DNAJB14: variants seen among roughly 807,000 people sequenced by gnomAD.
The protein encoded by DNAJB14 is dnaJ homolog subfamily B member 14.
A neutral mutation model predicts 48.4 loss-of-function variants in DNAJB14; 22 were observed. The ratio of observed to expected loss-of-function variants is 0.45; its 90% confidence interval spans 0.32 to 0.65. The LOEUF (loss-of-function observed/expected upper bound fraction) is 0.65. Ranked by LOEUF, DNAJB14 falls within the 30% of genes least tolerant of loss-of-function variation. DNAJB14 has a pLI of 0.03. For synonymous variants in DNAJB14, 142 were observed against 158.7 expected (o/e 0.89, Z 0.79); for missense variants, 319 against 458.8 (o/e 0.70, Z 2.78).
chr4:99,944,899 G>C lies in DNAJB14; in HGVS notation c.133+1540C>G, dbSNP rs556566483. 3.9e-5 allele frequency among the ~76,000 whole-genome samples: 6 copies of C among 152,128 alleles called. No individual in the cohort carries two copies. The South Asian group carries it at 1.2e-3, about 32-fold the overall frequency. Reference sequence around the variant, plus strand: ...GCCTAATCAGTATTTTTTTAAAGAGGAATTCTTCACGTTACAACATAAATG... The same window carrying C: ...GCCTAATCAGTATTTTTTTAAAGAGCAATTCTTCACGTTACAACATAAATG... On this transcript the variant is annotated intron_variant, in intron 1 of 7. Transcript: ENST00000442697.
chr4:99,926,303 T>C (rs748191326), intron 2 of DNAJB14: 8 of 152,160 alleles, frequency 5.3e-5, no homozygotes, highest in Non-Finnish European at 8.8e-5. Context: ...ATATGTTGGA[T>C]GGATGGACAA....
intron 1 of DNAJB14, among the ~76,000 whole-genome samples, chr4:99,944,591 T>G (rs1438316283): frequency 6.6e-6 from 1 of 151,884 alleles, no homozygotes; most frequent in Non-Finnish European, 1.5e-5. Flanking sequence ...TTTGTTTTTT[T>G]GAGATGGAGT....
At chr4:99,913,226 A>G (rs1006444857) in intron 3 of DNAJB14, among the ~76,000 whole-genome samples, 1 of 152,144 alleles carries the variant, frequency 6.6e-6, no homozygotes, top group Non-Finnish European at 1.5e-5. Context: ...TTTGTTGAAT[A>G]TGAGTGGTAA....
At chr4:99,946,383 G>T in intron 1 of DNAJB14, 56 bp downstream of exon 1, 1 of 1,560,290 alleles carries the variant, frequency 6.4e-7, no homozygotes, top group African/African-American at 1.4e-5. Context: ...GGGCAGGGGC[G>T]GGCTACGCGG....
chr4:99,908,734 AAT>A lies in DNAJB14; in HGVS notation c.612_613del (p.Phe206TrpfsTer8). On this transcript the variant is annotated frameshift_variant, in exon 4 of 8. Coordinates refer to ENST00000442697, the MANE Select transcript of DNAJB14 (RefSeq NM_001031723.4). LOFTEE classifies it high-confidence loss of function. ...ACCTGAAGGAAATCCACCCCCAAAA[AAT>A]ATATTAAACAAGTCTTCTGGAGTTA... 9.4e-6 allele frequency: 15 copies of A among 1,592,590 alleles called. No individual in the cohort carries two copies. Among genetic ancestry groups the A allele is most frequent in the Non-Finnish European group, 1.3e-5 (15 of 1,172,874 alleles).
intron 1 of DNAJB14, among the ~76,000 whole-genome samples, chr4:99,943,855 C>T (rs1726968469): frequency 6.6e-6 from 1 of 151,744 alleles, no homozygotes; most frequent in Non-Finnish European, 1.5e-5. Flanking sequence ...ACAGCAAAAG[C>T]ACAAAAAAAC....
intron 3 of DNAJB14, among the ~76,000 whole-genome samples, chr4:99,910,100 T>C (rs186140572): frequency 1.1e-4 from 16 of 152,176 alleles, no homozygotes; most frequent in Admixed American, 3.3e-4. Flanking sequence ...GATTACACAT[T>C]ACACTGAAAT....
chr4:99,902,249 T>TG (rs140994088), intron 7 of DNAJB14, among the ~76,000 whole-genome samples: 8,579 of 152,076 alleles, frequency 0.056, 284 homozygotes, highest in Middle Eastern at 0.13. Flanking sequence ...TTTTTTGTTG[T>TG]GGGGGGTCTG....
At chr4:99,906,752 C>T in intron 4 of DNAJB14, 141 bp from the exon 5 acceptor site, 4 of 634,630 alleles carry the variant, frequency 6.3e-6, no homozygotes, top group Admixed American at 2.9e-5. Context: ...TTATTGCCCT[C>T]TCCTCTTGTA....
intron 3 of DNAJB14, chr4:99,922,649 T>C (rs1726102261): frequency 6.5e-6 from 1 of 153,122 alleles, no homozygotes; most frequent in East Asian, 1.9e-4. Context: ...ATTTCTTAAA[T>C]ATCCAAATTC....
intron 4 of DNAJB14, among the ~76,000 whole-genome samples, chr4:99,908,134 A>C (rs1409507745): frequency 6.6e-6 from 1 of 152,182 alleles, no homozygotes; most frequent in African/African-American, 2.4e-5. Flanking sequence ...TTATGTTGGT[A>C]CTATAAAATC....
rs762236825 is a variant in DNAJB14 at position 99,908,914 on chromosome 4, A to G, written c.452-18T>C. The G allele has an allele frequency of 4.0e-6, 6 of 1,502,222 alleles. No individual in the cohort carries two copies. The East Asian group carries it at 1.2e-4, about 30-fold the overall frequency. 93.1% of individuals were successfully genotyped at this position (1,502,222 alleles called of 1,614,324 possible). ...TCCAATCTCTGAAAAAGTAATGAGT[A>G]AAAGTTGGTAAGCAAAGTTTTTATA... On this transcript the variant is annotated intron_variant, in intron 3 of 7. Coordinates refer to ENST00000442697, the MANE Select transcript of DNAJB14 (RefSeq NM_001031723.4).
intron 1 of DNAJB14, among the ~76,000 whole-genome samples, chr4:99,945,123 A>G (rs754205811): frequency 6.6e-6 from 1 of 152,236 alleles, no homozygotes; most frequent in African/African-American, 2.4e-5. Context: ...AAAGTTCTGA[A>G]GAGTCCTTGC....
Position 99,896,943 on chromosome 4 carries a change from ACC to A in DNAJB14, c.*4083_*4084del. 2 of 152,226 alleles carry A rather than the reference ACC, an allele frequency of 1.3e-5. No individual in the cohort carries two copies. The highest frequency in any genetic ancestry group is 1.3e-4 in the Admixed American group (2 of 15,298). 9.4% of individuals were successfully genotyped at this position (152,226 alleles called of 1,614,324 possible). A position where few individuals can be genotyped will look rare whatever the true frequency, so the allele number is the denominator to read the frequency against. ...AAGGACATTTCAAGAAATACTTCTT[ACC>A]CCTATGTATTTCCAGATGGCTGGAT... On this transcript the variant is annotated 3_prime_UTR_variant, in exon 8 of 8. Transcript: ENST00000442697.
At chr4:99,909,414 A>T (rs766868105) in intron 3 of DNAJB14, among the ~76,000 whole-genome samples, 2 of 152,112 alleles carry the variant, frequency 1.3e-5, no homozygotes, top group African/African-American at 2.4e-5. Context: ...CTTTTTTTGC[A>T]CCCTGGAGCC....
chr4:99,915,572 T>G (rs1176804587), intron 3 of DNAJB14, among the ~76,000 whole-genome samples: 1 of 152,250 alleles, frequency 6.6e-6, no homozygotes, highest in Non-Finnish European at 1.5e-5. Context: ...TCCACTTTGA[T>G]TCCACTGTGG....
At chr4:99,921,453 A>C (rs1726058017) in intron 3 of DNAJB14, among the ~76,000 whole-genome samples, 1 of 152,202 alleles carries the variant, frequency 6.6e-6, no homozygotes, top group African/African-American at 2.4e-5. Flanking sequence ...GGCTGCAGAA[A>C]TATGTTACAT....
At chr4:99,903,017 A>T (rs887906610) in intron 7 of DNAJB14, among the ~76,000 whole-genome samples, 22 of 152,144 alleles carry the variant, frequency 1.4e-4, no homozygotes, top group Admixed American at 4.6e-4. Context: ...TTCGTCAGCT[A>T]AAAATTTCAG....
rs144640843 is a variant in DNAJB14 at position 99,901,218 on chromosome 4, A to C, written c.1016-66T>G. Reference sequence around the variant, plus strand: ...TTTGTCACCTAGTTGCTTAAGCTCAAGTGATGCTTTACAGGAGCCCTTTGA... The same window carrying C: ...TTTGTCACCTAGTTGCTTAAGCTCACGTGATGCTTTACAGGAGCCCTTTGA... On this transcript the variant is annotated intron_variant, in intron 7 of 7. Transcript: ENST00000442697. The C allele has an allele frequency of 3.1e-4, 430 of 1,401,772 alleles. 3 individuals are homozygous for C. The African/African-American group carries it at 5.9e-3, about 19-fold the overall frequency. 86.8% of individuals were successfully genotyped at this position (1,401,772 alleles called of 1,614,324 possible).
Sources: allele counts gnomAD v4.1 joint callset (sites outside exome capture counted in the v4.1 genomes callset), GRCh38; gene constraint gnomAD v4.1.1; transcripts MANE v1.5; gene names NCBI Gene and HGNC (gene_info 2026-07-23, HGNC 2026-07-21).